Variants in DSP observed in about 807,000 individuals in gnomAD.
DSP encodes the protein desmoplakin, also known as 250/210 kDa paraneoplastic pemphigus antigen.
A neutral mutation model predicts 290.6 loss-of-function variants in DSP; 114 were observed. That is an observed-to-expected ratio of 0.39 (90% CI 0.34 to 0.46). The LOEUF is 0.46. DSP is among the 20% of genes least tolerant of loss of function. The pLI is 0.99. For missense variants in DSP, 3,230 were observed against 3,495.8 expected, an observed-to-expected ratio of 0.92 and a Z score of 1.92; for synonymous variants, 1,311 against 1,316.4, an observed-to-expected ratio of 1.00 and a Z score of 0.09.
chr6:7,551,895 C>G (rs751621697), intron 1 of DSP, among the ~76,000 whole-genome samples: 12 of 152,118 alleles, frequency 7.9e-5, no homozygotes, highest in Non-Finnish European at 1.5e-4. Flanking sequence ...TTTGATGGAC[C>G]GAGCCATTCA....
rs764116803 is a variant in DSP, at chr6:7,577,013, A to G, written c.2848A>G (p.Ile950Val). 3.1e-6 allele frequency: 5 copies of G among 1,612,732 alleles called. No homozygotes were observed. The highest frequency in any genetic ancestry group is 3.4e-6 in the Non-Finnish European group (4 of 1,179,502). ...AGACAAATCAGAGGAAGTACAAAAA[A>G]TTGCTGAACTTTGCGCCAATTCAAT... ...KRDKSEEVQK[I>V]AELCANSIKD... Residue 950 changes from isoleucine (I) to valine (V), a missense_variant, in exon 20 of 24, where the codon ATT becomes GTT. Ile to Val is a conservative substitution (Grantham distance 29). This residue lies in a region of DSP where 1,714 missense variants were observed against 1,844.5 expected (regional missense o/e 0.93). Transcript: ENST00000379802.
At chr6:7,561,339 A>G (rs1325371549) in intron 4 of DSP, among the ~76,000 whole-genome samples, 1 of 152,074 alleles carries the variant, frequency 6.6e-6, no homozygotes, top group African/African-American at 2.4e-5. Flanking sequence ...AACAAACTAA[A>G]AGCTGTTTGA....
chr6:7,576,567 A>G, intron 19 of DSP, 111 bp downstream of exon 19: 3 of 1,372,736 alleles, frequency 2.2e-6, no homozygotes, highest in Non-Finnish European at 3.1e-6. Flanking sequence ...AATATTTAAT[A>G]TTACTAACCC....
At position 7,585,865 on chromosome 6, in the gene DSP, C is replaced by T; in HGVS notation, c.8603C>T (p.Ser2868Phe). ...YSYSYSFSSS[S>F]IGH ...TATTCCTACTCATTTAGCAGTAGTT[C>T]TATTGGGCACTAGTAGTCAGTTGGG... is the stretch of plus-strand genomic sequence containing the variant. The change falls in exon 24 of 24, where the codon TCT becomes TTT. Residue 2868 changes from serine to phenylalanine, a missense_variant. By Grantham distance (155) the Ser-to-Phe change is radical. Around this residue, in one of 5 missense-constraint regions of DSP, gnomAD observed 582 missense variants for 555.4 expected, o/e 1.05. Transcript: ENST00000379802. 1 of 1,613,948 alleles carries T rather than the reference C, an allele frequency of 6.2e-7. No homozygotes were observed. The highest frequency in any genetic ancestry group is 1.3e-5 in the African/African-American group (1 of 75,042).
intron 1 of DSP, among the ~76,000 whole-genome samples, chr6:7,543,892 T>G (rs545877706): frequency 3.9e-5 from 6 of 152,296 alleles, no homozygotes; most frequent in African/African-American, 1.4e-4. Flanking sequence ...AGGTACATGT[T>G]TTATTAGGAT....
intron 23 of DSP, 38 bp downstream of exon 23, chr6:7,581,607 C>T: frequency 6.2e-7 from 1 of 1,607,810 alleles, no homozygotes; most frequent in Non-Finnish European, 8.5e-7. Context: ...CACTGTTTCT[C>T]AAATTATTCA....
chr6:7,559,639 C>T (rs1005276726), intron 4 of DSP, among the ~76,000 whole-genome samples: 1 of 152,212 alleles, frequency 6.6e-6, no homozygotes, highest in South Asian at 2.1e-4. Flanking sequence ...CTTTATCACA[C>T]AGGTCATATT....
chr6:7,575,223 TTGG>T (rs1267123720), intron 17 of DSP, 69 bp from the exon 18 acceptor site: 1 of 1,517,604 alleles, frequency 6.6e-7, no homozygotes, highest in Non-Finnish European at 9.1e-7. Flanking sequence ...GCCGCCCAAT[TTGG>T]TGACTTGTAG....
chr6:7,564,094 G>A (rs573246536), intron 6 of DSP, among the ~76,000 whole-genome samples: 13 of 152,172 alleles, frequency 8.5e-5, no homozygotes, highest in Non-Finnish European at 1.3e-4. Context: ...CACTGCGCCC[G>A]GCCTAAAAGT....
rs1446899821 is a variant in DSP, at chr6:7,558,172, T to C, written c.330T>C (p.Cys110=). 6.2e-7 allele frequency: 1 copy of C among 1,614,086 alleles called. No individual in the cohort carries two copies. Residue 110 remains cysteine, a synonymous_variant, in exon 3 of 24, where the codon TGT becomes TGC. Transcript: ENST00000379802. ...CTCGGAGTCGAGAATTGGATGAGTG[T>C]TTTGCCCAGGCCAATGACCAAATGG... The part of the protein sequence containing the change: ...QLTRSRELDE[C]FAQANDQMEI...
chr6:7,584,829 A>T lies in DSP; in HGVS notation c.7567A>T (p.Lys2523Ter), dbSNP rs1198179582. 1 of 1,614,082 alleles carries T rather than the reference A, an allele frequency of 6.2e-7. No homozygotes were observed. Among genetic ancestry groups the T allele is most frequent in the Non-Finnish European group, 8.5e-7 (1 of 1,180,034 alleles). ...CACCAGGGTGGTCCTGGTAGATAGA[A>T]AGACAGGCAGTCAGTATGATATTCA... is the stretch of plus-strand genomic sequence containing the variant. The part of the protein sequence containing the change: ...GSTRVVLVDR[K>*]TGSQYDIQDA... Residue 2523 changes from lysine (K) to a stop codon, truncating the protein, a stop_gained, in exon 24 of 24, where the codon AAG becomes TAG. Transcript: ENST00000379802. LOFTEE classifies it high-confidence loss of function. The surrounding 1 kb of genome is among the most constrained non-coding windows in gnomAD (Gnocchi z 6.4).
chr6:7,575,384 T>A lies in DSP; in HGVS notation c.2526T>A (p.Thr842=). 6.2e-7 allele frequency: 1 copy of A among 1,614,178 alleles called. No individual in the cohort carries two copies. The highest frequency in any genetic ancestry group is 8.5e-7 in the Non-Finnish European group (1 of 1,180,034). Residue 842 remains threonine, a synonymous_variant, in exon 18 of 24, where the codon ACT becomes ACA. Transcript: ENST00000379802. ...LQKAQQIHSQ[T]SQQYPLYDLD... ...AAGCCCAGCAGATCCACTCTCAGAC[T>A]TCACAGCAGTATCCACTTTATGATC...
At chr6:7,576,049 A>T (rs1759230891) in intron 18 of DSP, among the ~76,000 whole-genome samples, 1 of 152,012 alleles carries the variant, frequency 6.6e-6, no homozygotes, top group Admixed American at 6.6e-5. Context: ...TGTTTTTATG[A>T]TTGAATAATA....
chr6:7,576,477 C>T, intron 19 of DSP, 21 bp downstream of exon 19: 1 of 1,613,812 alleles, frequency 6.2e-7, no homozygotes, highest in Non-Finnish European at 8.5e-7. Flanking sequence ...ACTTTTTGTT[C>T]CATAGCTGTT....
At chr6:7,568,077 C>T (rs550322362) in intron 10 of DSP, among the ~76,000 whole-genome samples, 171 bp downstream of exon 10, 1 of 151,984 alleles carries the variant, frequency 6.6e-6, no homozygotes, top group African/African-American at 2.4e-5. Flanking sequence ...TCTTTACATG[C>T]CCAACTACTC....
chr6:7,542,004 T>G lies in DSP; in HGVS notation c.89T>G (p.Val30Gly). ...TCTGGCCCGGACCTGCGCTACGAGG[T>G]GACCAGCGGCGGCGGGGGCACCAGC... ...AESGPDLRYEVTSGGGGTSRM... is the reference protein window; with the variant it reads ...AESGPDLRYEGTSGGGGTSRM... Residue 30 changes from valine (V) to glycine (G), a missense_variant, in exon 1 of 24, where the codon GTG becomes GGG. Transcript: ENST00000379802. 6.3e-7 allele frequency: 1 copy of G among 1,595,400 alleles called. No individual in the cohort carries two copies. The highest frequency in any genetic ancestry group is 8.5e-7 in the Non-Finnish European group (1 of 1,172,230).
rs191436754 is a variant in DSP at position 7,565,587 on chromosome 6, G to C, written c.939+67G>C. On this transcript the variant is annotated intron_variant, in intron 7 of 23. Transcript: ENST00000379802. This position sits in a 1 kb window ranked among gnomAD's most constrained non-coding sequence, Gnocchi z 4.2. The stretch of plus-strand genomic sequence containing the variant: ...TGTTGCCTTGAAGAGCTGGGGTCTC[G>C]GGGAATGATTGGTCTATTAATAATT... The C allele has an allele frequency of 1.3e-6, 2 of 1,584,332 alleles. No homozygotes were observed. Among genetic ancestry groups the C allele is most frequent in the East Asian group, 2.2e-5 (1 of 44,706 alleles).
chr6:7,570,663 C>A, intron 13 of DSP, 100 bp downstream of exon 13: 1 of 1,552,056 alleles, frequency 6.4e-7, no homozygotes, highest in South Asian at 1.1e-5. Flanking sequence ...TGTAGCAGTG[C>A]TTTTGTGTCT....
At chr6:7,547,287 C>G (rs563653349) in intron 1 of DSP, among the ~76,000 whole-genome samples, 1 of 151,848 alleles carries the variant, frequency 6.6e-6, no homozygotes, top group Non-Finnish European at 1.5e-5. Context: ...CTAGTGCAGT[C>G]CAATAATTTA....
Sources: allele counts gnomAD v4.1 joint callset (sites outside exome capture counted in the v4.1 genomes callset), GRCh38; gene constraint gnomAD v4.1.1; regional missense constraint gnomAD v4.1.1; non-coding constraint Gnocchi (gnomAD v3.1); transcripts MANE v1.5; gene names NCBI Gene and HGNC (gene_info 2026-07-23, HGNC 2026-07-21).